The following ZNF169 variants were observed in gnomAD, a reference collection of about 807,000 sequenced individuals.
ZNF169 encodes the protein zinc finger protein 169.
In ZNF169, 11 loss-of-function variants were observed where a neutral mutation model predicts 12.0. The observed-to-expected ratio is 0.92, with a 90% CI of 0.58 to 1.52. The LOEUF is 1.52. Among genes scored for constraint, ZNF169 ranks in the 40% most tolerant of loss-of-function variants. The pLI, the probability that ZNF169 is intolerant of heterozygous loss-of-function variation, is 0.00. For synonymous variants in ZNF169, 302 were observed against 286.5 expected (o/e 1.05, Z -0.55); for missense variants, 722 against 744.0 (o/e 0.97, Z 0.34).
At chr9:94,272,730 A>G (rs1370209117) in intron 1 of ZNF169, among the ~76,000 whole-genome samples, 2 of 152,188 alleles carry the variant, frequency 1.3e-5, no homozygotes, top group Non-Finnish European at 2.9e-5. Flanking sequence ...ATATGTATCC[A>G]GAAGTTGGAT....
At chr9:94,289,330 T>C (rs1347581340) in intron 2 of ZNF169, among the ~76,000 whole-genome samples, 5 of 152,038 alleles carry the variant, frequency 3.3e-5, no homozygotes, top group African/African-American at 1.2e-4. Context: ...GACTGGGAGA[T>C]TGAGGCTATA....
chr9:94,301,357 A>T lies in ZNF169; in HGVS notation c.1799A>T (p.Gln600Leu). Residue 600 changes from glutamine (Q) to leucine (L), a missense_variant, in exon 5 of 5, where the codon CAA (glutamine) becomes CTA (leucine). Coordinates refer to ENST00000395395, the MANE Select transcript of ZNF169 (RefSeq NM_194320.4). ...RTKSGHQLLP[Q>L]EVF The stretch of plus-strand genomic sequence containing the variant: ...AAGTCTGGTCATCAGCTCCTACCCC[A>T]AGAGGTCTTCTGACCTTTCCTTTCC... 1 of 1,610,204 alleles carries T rather than the reference A, an allele frequency of 6.2e-7. No homozygotes were observed. The highest frequency in any genetic ancestry group is 2.2e-5 in the East Asian group (1 of 44,770).
chr9:94,299,748 C>T, intron 4 of ZNF169, 67 bp from the exon 5 acceptor site: 1 of 1,533,996 alleles, frequency 6.5e-7, no homozygotes, highest in Non-Finnish European at 8.7e-7. Context: ...CTGAAGAAAA[C>T]TGCTGGGCAG....
chr9:94,268,692 CAGG>C (rs1830333992), intron 1 of ZNF169, among the ~76,000 whole-genome samples: 1 of 148,798 alleles, frequency 6.7e-6, no homozygotes, highest in African/African-American at 2.5e-5. Flanking sequence ...GTGGCTGAGG[CAGG>C]AGAATTGCTT....
intron 1 of ZNF169, among the ~76,000 whole-genome samples, chr9:94,273,352 T>G (rs1587673645): frequency 1.3e-5 from 2 of 152,004 alleles, no homozygotes. Context: ...GTTTCAGGTC[T>G]AGGGTTTAGC....
In ZNF169 at chr9:94,282,844, A is replaced by AT. The variant is rs1203715784; in HGVS notation, c.33+4005dup. On this transcript the variant is annotated intron_variant, in intron 2 of 4. Transcript: ENST00000395395. The stretch of plus-strand genomic sequence containing the variant: ...TCATTGGAATTAAAACTTAAAAAAA[A>AT]TTTTTTGGTTGAGGTATAATTCACA... 3.9e-5 allele frequency among the ~76,000 whole-genome samples: 6 copies of AT among 152,272 alleles called. No homozygotes were observed. In the South Asian group the frequency reaches 1.2e-3, roughly 32 times the overall value.
At chr9:94,270,149 A>G (rs1830364152) in intron 1 of ZNF169, among the ~76,000 whole-genome samples, 1 of 152,208 alleles carries the variant, frequency 6.6e-6, no homozygotes, top group Non-Finnish European at 1.5e-5. Flanking sequence ...GTATAAGGGC[A>G]CTGGCTTTTA....
Position 94,301,336 on chromosome 9 carries a change from C to G in ZNF169, c.1778C>G (p.Ser593Cys). The change falls in exon 5 of 5, where the codon TCT (serine) becomes TGT (cysteine). Residue 593 changes from serine to cysteine, a missense_variant. Physicochemically the swap from Ser to Cys is moderately radical, Grantham distance 112. Transcript: ENST00000395395. Reference sequence around the variant, plus strand: ...TTGCATAGACACAGGAGGACCAAGTCTGGTCATCAGCTCCTACCCCAAGAG... The same window carrying G: ...TTGCATAGACACAGGAGGACCAAGTGTGGTCATCAGCTCCTACCCCAAGAG... ...SHLHRHRRTK[S>C]GHQLLPQEVF 1 of 1,613,966 alleles carries G rather than the reference C, an allele frequency of 6.2e-7. No homozygotes were observed. Among genetic ancestry groups the G allele is most frequent in the Non-Finnish European group, 8.5e-7 (1 of 1,179,870 alleles).
rs1365477236 is a variant in ZNF169, at chr9:94,300,946, G to A, written c.1388G>A (p.Cys463Tyr). 3.1e-6 allele frequency: 5 copies of A among 1,613,984 alleles called. No individual in the cohort carries two copies. In the Admixed American group the frequency reaches 5.0e-5, roughly 16 times the overall value. The stretch of plus-strand genomic sequence containing the variant: ...GAGAAGCCCTACCTGTGCCCTGATT[G>A]TGGGCGTGGCTTTGGTCAGAAGGTC... ...TGEKPYLCPD[C>Y]GRGFGQKVTL... The change falls in exon 5 of 5, where the codon TGT (cysteine) becomes TAT (tyrosine). Residue 463 changes from cysteine to tyrosine, a missense_variant. Cys to Tyr is a radical substitution (Grantham distance 194, BLOSUM62 -2). Coordinates refer to ENST00000395395, the MANE Select transcript of ZNF169 (RefSeq NM_194320.4).
intron 4 of ZNF169, 40 bp downstream of exon 4, chr9:94,293,109 T>C (rs1470452042): frequency 3.2e-6 from 5 of 1,556,876 alleles, no homozygotes; most frequent in Non-Finnish European, 3.5e-6. Flanking sequence ...TGCAGGGCAG[T>C]GAGGAGCTCA....
intron 2 of ZNF169, chr9:94,288,443 TC>T (rs1392187480): frequency 9.0e-7 from 1 of 1,116,174 alleles, no homozygotes; most frequent in Non-Finnish European, 1.3e-6. Context: ...TCCAATCCAT[TC>T]TTCTCTTTTG....
chr9:94,262,577 A>C (rs1270493318), intron 1 of ZNF169, among the ~76,000 whole-genome samples: 1 of 150,304 alleles, frequency 6.7e-6, no homozygotes, highest in Admixed American at 6.6e-5. Context: ...TCCTGCCTCA[A>C]CCTCCTGAGT....
At chr9:94,274,638 C>T (rs1224351520) in intron 1 of ZNF169, among the ~76,000 whole-genome samples, 6 of 152,156 alleles carry the variant, frequency 3.9e-5, no homozygotes, top group Non-Finnish European at 7.3e-5. Flanking sequence ...CACATCAGAG[C>T]GTAACCTAGT....
intron 2 of ZNF169, among the ~76,000 whole-genome samples, chr9:94,290,619 C>T (rs1430880292): frequency 2.0e-5 from 3 of 152,102 alleles, no homozygotes; most frequent in African/African-American, 4.8e-5. Context: ...ATGTGTATAC[C>T]ACATTTTCTT....
chr9:94,262,590 C>G (rs55755935), intron 1 of ZNF169, among the ~76,000 whole-genome samples: 1 of 152,042 alleles, frequency 6.6e-6, no homozygotes. Context: ...TCCTGAGTAG[C>G]TGGGCTACAG....
intron 1 of ZNF169, among the ~76,000 whole-genome samples, chr9:94,274,278 G>A (rs1030891749): frequency 2.0e-5 from 3 of 152,100 alleles, no homozygotes; most frequent in Non-Finnish European, 2.9e-5. Context: ...GTCAACATAC[G>A]AATATGGGAG....
chr9:94,300,142 G>C lies in ZNF169; in HGVS notation c.584G>C (p.Gly195Ala), dbSNP rs775032176. 2 of 1,614,190 alleles carry C rather than the reference G, an allele frequency of 1.2e-6. No homozygotes were observed. Among genetic ancestry groups the C allele is most frequent in the East Asian group, 4.5e-5 (2 of 44,876 alleles). ...DLRLAQRMSLGGSDTMLKGAD... is the reference protein window; with the variant it reads ...DLRLAQRMSLAGSDTMLKGAD... Reference sequence around the variant, plus strand: ...CGCCTGGCCCAAAGGATGAGTCTTGGGGGGTCAGACACAATGTTGAAGGGA... The same window carrying C: ...CGCCTGGCCCAAAGGATGAGTCTTGCGGGGTCAGACACAATGTTGAAGGGA... The change falls in exon 5 of 5, where the codon GGG becomes GCG. Residue 195 changes from glycine (G) to alanine (A), a missense_variant. Transcript: ENST00000395395.
At chr9:94,261,897 G>A (rs1830214227) in intron 1 of ZNF169, among the ~76,000 whole-genome samples, 1 of 152,096 alleles carries the variant, frequency 6.6e-6, no homozygotes. Flanking sequence ...TCATAAATAA[G>A]GAATTTAAAG....
At chr9:94,272,159 A>G (rs918364448) in intron 1 of ZNF169, among the ~76,000 whole-genome samples, 1 of 152,028 alleles carries the variant, frequency 6.6e-6, no homozygotes, top group Non-Finnish European at 1.5e-5. Context: ...ATCTGTAACA[A>G]TGTTTCCTCT....
Sources: allele counts gnomAD v4.1 joint callset (sites outside exome capture counted in the v4.1 genomes callset), GRCh38; gene constraint gnomAD v4.1.1; transcripts MANE v1.5; gene names NCBI Gene and HGNC (gene_info 2026-07-23, HGNC 2026-07-21).